The following PCDH15 variants were observed in gnomAD, a reference collection of about 807,000 sequenced individuals.
PCDH15 encodes protocadherin related 15.
A neutral mutation model predicts 178.5 loss-of-function variants in PCDH15; 129 were observed. The observed-to-expected ratio is 0.72, with a 90% CI of 0.63 to 0.84. The LOEUF (loss-of-function observed/expected upper bound fraction) is 0.84, where lower values mean the gene tolerates loss of function less well. Among genes scored for constraint, PCDH15 ranks in the 40% least tolerant of loss-of-function variants. PCDH15 has a pLI of 0.00. For synonymous variants in PCDH15, 800 were observed against 732.0 expected (o/e 1.09, Z -1.50); for missense variants, 2,230 against 2,099.9 (o/e 1.06, Z -1.21).
chr10:54,417,955 T>C (rs553887675), intron 3 of PCDH15, among the ~76,000 whole-genome samples: 1 of 152,146 alleles, frequency 6.6e-6, no homozygotes, highest in Non-Finnish European at 1.5e-5. Context: ...CAGGCTAAAA[T>C]GCAGTAGCTA....
At chr10:55,070,327 G>C (rs1403995038) in intron 2 of PCDH15, among the ~76,000 whole-genome samples, 3 of 151,698 alleles carry the variant, frequency 2.0e-5, no homozygotes, top group Admixed American at 6.6e-5. Flanking sequence ...CATTGCTTTT[G>C]GTGTTTTAGA....
intron 28 of PCDH15, among the ~76,000 whole-genome samples, chr10:53,843,226 T>C (rs1197038651): frequency 2.0e-5 from 3 of 152,180 alleles, no homozygotes; most frequent in Admixed American, 6.5e-5. Flanking sequence ...AAAAGAGATA[T>C]AGCCTAATCT....
At chr10:55,361,975 C>A (rs1427752314) in intron 2 of PCDH15, among the ~76,000 whole-genome samples, 1 of 152,006 alleles carries the variant, frequency 6.6e-6, no homozygotes, top group Non-Finnish European at 1.5e-5. Flanking sequence ...AGAAAATCTC[C>A]TTTCTTGGAT....
At chr10:54,397,265 C>T (rs1951355329) in intron 3 of PCDH15, among the ~76,000 whole-genome samples, 2 of 151,994 alleles carry the variant, frequency 1.3e-5, no homozygotes, top group Non-Finnish European at 2.9e-5. Flanking sequence ...TTGGAGACAT[C>T]CCTTTGAAAT....
chr10:54,359,500 G>C (rs913778933), intron 5 of PCDH15, among the ~76,000 whole-genome samples: 5 of 151,758 alleles, frequency 3.3e-5, no homozygotes, highest in Non-Finnish European at 5.9e-5. Flanking sequence ...GTTGTAAATA[G>C]ACCATTTCCA....
At chr10:54,257,403 C>CTTCTTTTTT (rs1554862389) in intron 8 of PCDH15, among the ~76,000 whole-genome samples, 1 of 126,024 alleles carries the variant, frequency 7.9e-6, no homozygotes. Context: ...GAATTGTCTT[C>CTTCTTTTTT]TTTTTTTTTT....
chr10:54,296,614 C>A (rs2059808448), intron 8 of PCDH15, among the ~76,000 whole-genome samples: 2 of 152,104 alleles, frequency 1.3e-5, no homozygotes, highest in Admixed American at 6.6e-5. Context: ...TCTTTAGGCA[C>A]CCAGGCTCAC....
At chr10:54,834,151 T>C (rs181589680) in intron 3 of PCDH15, among the ~76,000 whole-genome samples, 7 of 151,968 alleles carry the variant, frequency 4.6e-5, no homozygotes, top group African/African-American at 1.7e-4. Flanking sequence ...CATTGCCTAC[T>C]ACCTATCAAA....
chr10:54,519,696 G>T (rs2082636574), intron 3 of PCDH15, among the ~76,000 whole-genome samples: 1 of 152,088 alleles, frequency 6.6e-6, no homozygotes, highest in African/African-American at 2.4e-5. Context: ...TTTCTTCACA[G>T]AATTGGAAAA....
intron 2 of PCDH15, among the ~76,000 whole-genome samples, chr10:55,348,083 A>G (rs146447652): frequency 1.2e-3 from 190 of 152,194 alleles, no homozygotes; most frequent in African/African-American, 3.9e-3. Flanking sequence ...CACACAAGGA[A>G]TACTTGGGCC....
chr10:54,661,647 AT>A (rs1399215767), intron 2 of PCDH15, among the ~76,000 whole-genome samples: 2 of 152,012 alleles, frequency 1.3e-5, no homozygotes, highest in Non-Finnish European at 2.9e-5. Flanking sequence ...ATCTGACTTT[AT>A]ACTATAAGGC....
At chr10:55,348,245 A>T (rs2131963436) in intron 2 of PCDH15, among the ~76,000 whole-genome samples, 1 of 152,286 alleles carries the variant, frequency 6.6e-6, no homozygotes, top group East Asian at 1.9e-4. Context: ...CACATTTCAA[A>T]GGTTGAATAG....
intron 2 of PCDH15, among the ~76,000 whole-genome samples, chr10:55,450,634 T>C (rs1353027851): frequency 6.6e-6 from 1 of 152,162 alleles, no homozygotes; most frequent in Admixed American, 6.5e-5. Context: ...AGTAGTTCTA[T>C]TGTATAGTCT....
chr10:54,414,572 T>C (rs926244987), intron 3 of PCDH15, among the ~76,000 whole-genome samples: 4 of 152,168 alleles, frequency 2.6e-5, no homozygotes, highest in Non-Finnish European at 2.9e-5. Context: ...GAATACTTGA[T>C]ACTTTATTTA....
chr10:54,720,518 C>CAAAAAAAA (rs34014038), intron 1 of PCDH15, among the ~76,000 whole-genome samples: 162 of 149,494 alleles, frequency 1.1e-3, no homozygotes, highest in African/African-American at 3.9e-3. Context: ...TAGTCTCTTC[C>CAAAAAAAA]AAAAAAAAAT....
chr10:55,538,408 TCCTTCCTC>T (rs1349434238), intron 2 of PCDH15, among the ~76,000 whole-genome samples: 23 of 142,860 alleles, frequency 1.6e-4, no homozygotes, highest in South Asian at 8.7e-4. Flanking sequence ...CTTCCTTCCT[TCCTTCCTC>T]CCTCCCTCCC....
At chr10:54,050,630 T>C (rs1212189434) in intron 18 of PCDH15, among the ~76,000 whole-genome samples, 1 of 152,176 alleles carries the variant, frequency 6.6e-6, no homozygotes, top group Non-Finnish European at 1.5e-5. Context: ...TTTGTTTGTT[T>C]GTTTTTCCCT....
intron 8 of PCDH15, among the ~76,000 whole-genome samples, chr10:54,240,272 T>A (rs2055102019): frequency 6.6e-6 from 1 of 151,758 alleles, no homozygotes; most frequent in Non-Finnish European, 1.5e-5. Flanking sequence ...TCAAGTATTT[T>A]TTTTTAACAA....
intron 25 of PCDH15, among the ~76,000 whole-genome samples, chr10:53,904,621 C>A (rs2082548330): frequency 6.6e-6 from 1 of 152,038 alleles, no homozygotes. Context: ...ATCATGCTAG[C>A]GCAACAGATT....
Sources: allele counts gnomAD v4.1 joint callset (sites outside exome capture counted in the v4.1 genomes callset), GRCh38; gene constraint gnomAD v4.1.1; transcripts MANE v1.5; gene names NCBI Gene and HGNC (gene_info 2026-07-23, HGNC 2026-07-21).